The following EYS variants were observed in gnomAD, a reference collection of about 807,000 sequenced individuals.
EYS encodes the protein protein eyes shut homolog.
A neutral mutation model predicts 282.1 loss-of-function variants in EYS; 250 were observed. The observed-to-expected ratio is 0.89, with a 90% CI of 0.80 to 0.98. The LOEUF is 0.98. Ranked by LOEUF, EYS falls within the 50% of genes least tolerant of loss-of-function variation. The probability of loss-of-function intolerance (pLI) is 0.00; values close to 1 mark genes in which losing one functional copy is unlikely to be tolerated. For missense variants in EYS, 4,016 were observed against 3,709.0 expected (o/e 1.08, Z -2.15); for synonymous variants, 1,355 against 1,282.9 (o/e 1.06, Z -1.20).
At chr6:63,952,250 C>A (rs926564149) in intron 35 of EYS, among the ~76,000 whole-genome samples, 1 of 152,232 alleles carries the variant, frequency 6.6e-6, no homozygotes, top group Non-Finnish European at 1.5e-5. Flanking sequence ...CATGTCCTAT[C>A]TGTGTGGGAT....
At chr6:65,402,410 TA>T in intron 7 of EYS, 67 bp downstream of exon 7, 1 of 1,105,696 alleles carries the variant, frequency 9.0e-7, no homozygotes, top group South Asian at 1.3e-5. Flanking sequence ...AACATCATTA[TA>T]TTTTTGTTCA....
intron 26 of EYS, among the ~76,000 whole-genome samples, chr6:64,585,867 A>G (rs1463527281): frequency 2.0e-5 from 3 of 152,112 alleles, no homozygotes; most frequent in Non-Finnish European, 4.4e-5. Context: ...GAATTTCTTT[A>G]TACTTTTCAA....
chr6:65,663,040 C>T (rs552191280), intron 1 of EYS, among the ~76,000 whole-genome samples: 8 of 152,036 alleles, frequency 5.3e-5, no homozygotes, highest in African/African-American at 1.9e-4. Context: ...GAAAATAATA[C>T]TTTGAAACTA....
At chr6:63,945,110 C>G (rs556005013) in intron 35 of EYS, among the ~76,000 whole-genome samples, 2 of 152,210 alleles carry the variant, frequency 1.3e-5, no homozygotes, top group South Asian at 4.2e-4. Context: ...CTTTCTCACA[C>G]TGCTCTGAAG....
intron 30 of EYS, among the ~76,000 whole-genome samples, chr6:64,267,915 G>A (rs1379688471): frequency 1.3e-5 from 2 of 152,086 alleles, no homozygotes; most frequent in African/African-American, 2.4e-5. Context: ...CTCTTATGTT[G>A]TAGATGGTGA....
At chr6:64,199,704 C>G (rs1765403671) in intron 31 of EYS, among the ~76,000 whole-genome samples, 1 of 151,164 alleles carries the variant, frequency 6.6e-6, no homozygotes, top group South Asian at 2.1e-4. Flanking sequence ...TATCCAGAAT[C>G]TACAAAGAAC....
At chr6:65,454,158 C>A (rs1367551046) in intron 5 of EYS, among the ~76,000 whole-genome samples, 1 of 150,748 alleles carries the variant, frequency 6.6e-6, no homozygotes, top group Non-Finnish European at 1.5e-5. Context: ...TTCCCTTTTC[C>A]CCACATCCTT....
intron 12 of EYS, among the ~76,000 whole-genome samples, chr6:65,192,964 G>A (rs146145315): frequency 1.9e-3 from 285 of 151,964 alleles, no homozygotes; most frequent in African/African-American, 6.3e-3. Flanking sequence ...AAAATGCATT[G>A]TTAACTATAG....
At chr6:63,953,851 TCCAAACAACTTGG>T (rs1387229819) in intron 35 of EYS, among the ~76,000 whole-genome samples, 1 of 152,196 alleles carries the variant, frequency 6.6e-6, no homozygotes, top group Non-Finnish European at 1.5e-5. Flanking sequence ...AGCCTTTCTG[TCCAAACAACTTGG>T]CCTTACTGTT....
chr6:65,129,640 A>T (rs1239213527), intron 12 of EYS, among the ~76,000 whole-genome samples: 1 of 152,018 alleles, frequency 6.6e-6, no homozygotes, highest in Admixed American at 6.6e-5. Flanking sequence ...CGGAATAGCT[A>T]TAATCAGAAA....
intron 16 of EYS, among the ~76,000 whole-genome samples, chr6:64,909,665 A>G (rs542053178): frequency 1.3e-5 from 2 of 152,106 alleles, no homozygotes; most frequent in Non-Finnish European, 1.5e-5. Context: ...CCCTTTATTT[A>G]TCTCACAAAG....
At chr6:64,503,040 A>G (rs952646412) in intron 26 of EYS, among the ~76,000 whole-genome samples, 5 of 152,192 alleles carry the variant, frequency 3.3e-5, no homozygotes, top group African/African-American at 1.2e-4. Context: ...CCTTTACAGC[A>G]GTGATGTTAT....
intron 12 of EYS, among the ~76,000 whole-genome samples, chr6:65,167,391 G>T (rs1764997757): frequency 6.6e-6 from 1 of 151,200 alleles, no homozygotes; most frequent in Admixed American, 6.6e-5. Flanking sequence ...TTAAATAGTG[G>T]CAAGGATTGC....
chr6:65,631,018 G>A (rs1184887731), intron 2 of EYS, among the ~76,000 whole-genome samples: 1 of 152,148 alleles, frequency 6.6e-6, no homozygotes, highest in Non-Finnish European at 1.5e-5. Context: ...TGACTGATGT[G>A]TAACTCATTA....
chr6:65,663,066 AGAAGCAGCAGCTTCTTTCTT>A (rs1409920149), intron 1 of EYS, among the ~76,000 whole-genome samples: 4 of 152,200 alleles, frequency 2.6e-5, no homozygotes, highest in South Asian at 2.1e-4. Context: ...GACAGCTCAA[AGAAGCAGCAGCTTCTTTCTT>A]GAAGCAGCAA....
At chr6:64,100,572 T>C (rs79710022) in intron 31 of EYS, among the ~76,000 whole-genome samples, 5,213 of 152,244 alleles carry the variant, frequency 0.034, 308 homozygotes, top group African/African-American at 0.12. Context: ...TTATGTGGTT[T>C]TTTTATTGAT....
intron 1 of EYS, among the ~76,000 whole-genome samples, chr6:65,661,576 A>T (rs1562315160): frequency 6.6e-6 from 1 of 152,054 alleles, no homozygotes; most frequent in Non-Finnish European, 1.5e-5. Context: ...TTCTTGCCTT[A>T]TACTTCCATG....
At chr6:64,772,031 T>G (rs1773540431) in intron 22 of EYS, among the ~76,000 whole-genome samples, 2 of 151,764 alleles carry the variant, frequency 1.3e-5, no homozygotes, top group Admixed American at 6.6e-5. Context: ...AAATATCCTG[T>G]TTCATTTAGT....
At chr6:63,937,339 TCTTTTC>T (rs1765088693) in intron 35 of EYS, among the ~76,000 whole-genome samples, 1 of 88,192 alleles carries the variant, frequency 1.1e-5, no homozygotes, top group African/African-American at 4.5e-5. Context: ...TAGGCTTCTC[TCTTTTC>T]TTTTTTTTTT....
Sources: gnomAD v4.1 joint callset for allele counts (sites outside exome capture counted in the v4.1 genomes callset) on GRCh38, gnomAD v4.1.1 for gene constraint, MANE v1.5 for transcripts, NCBI Gene and HGNC (gene_info 2026-07-23, HGNC 2026-07-21) for gene names.